FAM20C: variants seen among roughly 807,000 people sequenced by gnomAD.
FAM20C encodes the protein FAM20C golgi associated secretory pathway kinase, also known as extracellular serine/threonine protein kinase FAM20C.
Under a neutral mutation model 51.5 loss-of-function variants are expected in FAM20C, and 40 were observed. That is an observed-to-expected ratio of 0.78 (90% CI 0.60 to 1.01). The LOEUF is 1.01. Among genes scored for constraint, FAM20C ranks in the 50% least tolerant of loss-of-function variants. The pLI, the probability that FAM20C is intolerant of heterozygous loss-of-function variation, is 0.00. For missense variants in FAM20C, 861 were observed against 844.7 expected (o/e 1.02, Z -0.24); for synonymous variants, 406 against 380.6 (o/e 1.07, Z -0.78).
chr7:205,254 C>T (rs1307618567), intron 2 of FAM20C, among the ~76,000 whole-genome samples: 3 of 149,684 alleles, frequency 2.0e-5, no homozygotes, highest in Admixed American at 1.3e-4. Flanking sequence ...AGACACGCAC[C>T]ACCACGACGT....
chr7:206,270 C>A (rs73251075), intron 2 of FAM20C, among the ~76,000 whole-genome samples: 10,148 of 152,276 alleles, frequency 0.067, 367 homozygotes, highest in Middle Eastern at 0.082. Flanking sequence ...CCTGCAGCTG[C>A]CGCAGCCCCA....
chr7:228,592 A>G (rs1223288929), intron 3 of FAM20C: 1 of 456,260 alleles, frequency 2.2e-6, no homozygotes, highest in Non-Finnish European at 4.4e-6. Flanking sequence ...CTCTGAGGGC[A>G]GCGTTTCCAC....
chr7:232,465 G>C (rs1787731055), intron 3 of FAM20C, among the ~76,000 whole-genome samples: 1 of 152,230 alleles, frequency 6.6e-6, no homozygotes, highest in South Asian at 2.1e-4. Context: ...CGTGACTGTA[G>C]AGCAGGGGGT....
intron 3 of FAM20C, among the ~76,000 whole-genome samples, chr7:226,433 A>G (rs1197362313): frequency 2.0e-5 from 3 of 152,130 alleles, no homozygotes; most frequent in Non-Finnish European, 4.4e-5. Context: ...TCACCCTCAC[A>G]AGAGTCCCAG....
intron 2 of FAM20C, among the ~76,000 whole-genome samples, chr7:205,706 C>A (rs938633529): frequency 6.6e-6 from 1 of 152,160 alleles, no homozygotes; most frequent in African/African-American, 2.4e-5. Context: ...CCAGTACCAG[C>A]TCCTCCCTTG....
intron 3 of FAM20C, among the ~76,000 whole-genome samples, chr7:237,251 C>T (rs1787875421): frequency 6.6e-6 from 1 of 152,234 alleles, no homozygotes; most frequent in African/African-American, 2.4e-5. Context: ...TGCAGCAGGT[C>T]TTGGAGCCAC....
At chr7:223,287 G>A (rs533541229) in intron 3 of FAM20C, among the ~76,000 whole-genome samples, 4 of 152,270 alleles carry the variant, frequency 2.6e-5, no homozygotes, top group African/African-American at 4.8e-5. Context: ...TTGTCAGATC[G>A]TCCGCTGGGC....
chr7:206,609 C>G (rs1244174366), intron 2 of FAM20C, among the ~76,000 whole-genome samples: 9 of 127,052 alleles, frequency 7.1e-5, no homozygotes, highest in East Asian at 2.9e-4. Context: ...TCCACTGTGA[C>G]GCGTCTGTCA....
rs1404499057 is a variant in FAM20C, at chr7:193,227, C to T, written c.28C>T (p.Arg10Cys). 4.1e-6 allele frequency: 6 copies of T among 1,464,502 alleles called. No homozygotes were observed. In the African/African-American group the frequency reaches 8.8e-5, roughly 22 times the overall value. The allele number at this position is 1,464,502 out of a possible 1,614,324, so 90.7% of individuals were successfully genotyped here. The change falls in exon 1 of 10, where the codon CGC becomes TGC. Residue 10 changes from arginine (R) to cysteine (C), a missense_variant. Arg to Cys is a radical substitution (Grantham distance 180, BLOSUM62 -3). Around this residue, in one of 3 missense-constraint regions of FAM20C, gnomAD observed 561 missense variants for 499.8 expected, o/e 1.12. Coordinates refer to ENST00000313766, the MANE Select transcript of FAM20C (RefSeq NM_020223.4). MKMMLVRRFRVLILMVFLVA... is the reference protein window; with the variant it reads MKMMLVRRFCVLILMVFLVA... Reference sequence around the variant, plus strand: ...GAAGATGATGCTGGTGCGCCGGTTCCGCGTGCTCATCCTGATGGTGTTCCT... The same window carrying T: ...GAAGATGATGCTGGTGCGCCGGTTCTGCGTGCTCATCCTGATGGTGTTCCT...
At chr7:257,731 G>A (rs1471207320) in intron 8 of FAM20C, among the ~76,000 whole-genome samples, 1 of 140,260 alleles carries the variant, frequency 7.1e-6, no homozygotes, top group South Asian at 2.3e-4. Flanking sequence ...GACAGGCGGG[G>A]TGGACCCACT....
chr7:256,599 G>C (rs996742928), intron 6 of FAM20C, 55 bp from the exon 7 acceptor site: 1 of 1,413,178 alleles, frequency 7.1e-7, no homozygotes, highest in African/African-American at 1.4e-5. Flanking sequence ...CATGGCACGC[G>C]CCGGGCTCCC....
At chr7:253,987 C>T (rs569200468) in intron 5 of FAM20C, among the ~76,000 whole-genome samples, 7 of 152,184 alleles carry the variant, frequency 4.6e-5, no homozygotes, top group Middle Eastern at 3.2e-3. Context: ...TGTATCAGCA[C>T]GAGACAGGAT....
intron 3 of FAM20C, among the ~76,000 whole-genome samples, chr7:241,683 T>G (rs1262044954): frequency 1.3e-5 from 2 of 152,136 alleles, no homozygotes; most frequent in Non-Finnish European, 2.9e-5. Flanking sequence ...CACATGTATC[T>G]GTGCACATAT....
chr7:259,616 T>G, intron 9 of FAM20C, 115 bp from the exon 10 acceptor site: 1 of 1,119,888 alleles, frequency 8.9e-7, no homozygotes, highest in Non-Finnish European at 1.1e-6. Flanking sequence ...GTCCCCCTCT[T>G]TCTCTCTCTG....
rs991325169 is a variant in FAM20C at position 232,653 on chromosome 7, A to G, written c.864-13762A>G. Among the ~76,000 whole-genome samples the G allele has an allele frequency of 2.0e-3, 304 of 152,294 alleles. 2 individuals are homozygous for G. Among genetic ancestry groups the G allele is most frequent in the African/African-American group, 7.0e-3 (292 of 41,552 alleles). ...TTTTCCCACAAACTGAAGAGCGTTGAAATGTTTGTTAGCAGCAACAGTGGG... is the reference window on the plus strand; with the variant it reads ...TTTTCCCACAAACTGAAGAGCGTTGGAATGTTTGTTAGCAGCAACAGTGGG... On this transcript the variant is annotated intron_variant, in intron 3 of 9. Coordinates refer to ENST00000313766, the MANE Select transcript of FAM20C (RefSeq NM_020223.4).
intron 3 of FAM20C, among the ~76,000 whole-genome samples, chr7:235,401 C>A (rs1465569491): frequency 1.3e-5 from 2 of 152,168 alleles, no homozygotes; most frequent in East Asian, 1.9e-4. Flanking sequence ...AGTAACCAGA[C>A]CTACGTCCAC....
chr7:248,438 G>T lies in FAM20C; in HGVS notation c.1072+8G>T, dbSNP rs755845471. 2 of 1,533,580 alleles carry T rather than the reference G, an allele frequency of 1.3e-6. No individual in the cohort carries two copies. The highest frequency in any genetic ancestry group is 1.7e-6 in the Non-Finnish European group (2 of 1,143,980). 95.0% of individuals were successfully genotyped at this position (1,533,580 alleles called of 1,614,324 possible). ...CCTTCTTCATCTCTCCAGGTAGCCTGGCACGGGGGCCCGCATTCATCTCTC... is the reference window on the plus strand; with the variant it reads ...CCTTCTTCATCTCTCCAGGTAGCCTTGCACGGGGGCCCGCATTCATCTCTC... On this transcript the variant is annotated splice_region_variant and intron_variant, in intron 5 of 9. Transcript: ENST00000313766.
At chr7:258,342 A>G (rs553798474) in intron 8 of FAM20C, among the ~76,000 whole-genome samples, 582 of 24,038 alleles carry the variant, frequency 0.024, 24 homozygotes, top group Middle Eastern at 0.038. Flanking sequence ...GGAGATGGGC[A>G]GGGTGGACCC....
chr7:205,227 C>T (rs1309794245), intron 2 of FAM20C, among the ~76,000 whole-genome samples: 1 of 151,766 alleles, frequency 6.6e-6, no homozygotes, highest in Non-Finnish European at 1.5e-5. Context: ...CACAGCCTCC[C>T]GAGTAGCTGG....
Sources: gnomAD v4.1 joint callset for allele counts (sites outside exome capture counted in the v4.1 genomes callset) on GRCh38, gnomAD v4.1.1 for gene constraint, gnomAD v4.1.1 regional missense constraint, MANE v1.5 for transcripts, NCBI Gene and HGNC (gene_info 2026-07-23, HGNC 2026-07-21) for gene names.